Variants in NETO1 observed in about 807,000 individuals in gnomAD.
NETO1 encodes neuropilin and tolloid-like protein 1.
Under a neutral mutation model 61.3 loss-of-function variants are expected in NETO1, and 26 were observed. The observed-to-expected ratio is 0.42, with a 90% CI of 0.31 to 0.59. NETO1 has a LOEUF of 0.59. Among genes scored for constraint, NETO1 ranks in the 20% least tolerant of loss-of-function variants. The probability of loss-of-function intolerance (pLI) is 0.12; values close to 1 mark genes in which losing one functional copy is unlikely to be tolerated. For synonymous variants in NETO1, 225 were observed against 225.8 expected (o/e 1.00, Z 0.03); for missense variants, 531 against 662.8 (o/e 0.80, Z 2.18).
intron 4 of NETO1, among the ~76,000 whole-genome samples, chr18:72,804,181 T>C (rs1020201459): frequency 5.9e-5 from 9 of 152,214 alleles, no homozygotes; most frequent in South Asian, 2.1e-4. Context: ...TATTGAATGA[T>C]ACAGCCAATA....
chr18:72,772,793 T>TATCTCTCTCTC (rs1391807702), intron 7 of NETO1, among the ~76,000 whole-genome samples: 12 of 58,970 alleles, frequency 2.0e-4, no homozygotes, highest in African/African-American at 8.2e-4. Flanking sequence ...CTCTATATAG[T>TATCTCTCTCTC]TCTCTCTCTC....
intron 4 of NETO1, among the ~76,000 whole-genome samples, chr18:72,840,978 G>C (rs1224955269): frequency 1.3e-5 from 2 of 152,146 alleles, no homozygotes; most frequent in African/African-American, 4.8e-5. Flanking sequence ...TCAAAAGAGG[G>C]AGTTCTTTCC....
chr18:72,851,326 A>C (rs2145575675), intron 4 of NETO1, among the ~76,000 whole-genome samples: 1 of 152,074 alleles, frequency 6.6e-6, no homozygotes, highest in African/African-American at 2.4e-5. Flanking sequence ...CAGGAGAATT[A>C]TGTGAACCCG....
intron 6 of NETO1, among the ~76,000 whole-genome samples, chr18:72,791,493 G>GA (rs2072115494): frequency 6.6e-6 from 1 of 152,194 alleles, no homozygotes; most frequent in Non-Finnish European, 1.5e-5. Context: ...TAATTTAACA[G>GA]AGAAAGCCTG....
intron 4 of NETO1, among the ~76,000 whole-genome samples, chr18:72,802,703 G>T (rs1452553370): frequency 6.6e-6 from 1 of 152,190 alleles, no homozygotes; most frequent in East Asian, 1.9e-4. Flanking sequence ...ATGGTGGAGA[G>T]AATTGCTGGT....
At chr18:72,865,458 A>G in intron 1 of NETO1, 1 of 1,286,050 alleles carries the variant, frequency 7.8e-7, no homozygotes, top group South Asian at 1.3e-5. Flanking sequence ...TTAAGAATGG[A>G]TGAGACCCAA....
chr18:72,849,431 T>C (rs1057219882), intron 4 of NETO1, among the ~76,000 whole-genome samples: 5 of 152,190 alleles, frequency 3.3e-5, no homozygotes, highest in African/African-American at 9.7e-5. Context: ...GACATGCATG[T>C]TTTCTCTACC....
At chr18:72,801,808 T>G (rs1228882775) in intron 4 of NETO1, among the ~76,000 whole-genome samples, 1 of 152,308 alleles carries the variant, frequency 6.6e-6, no homozygotes, top group East Asian at 1.9e-4. Context: ...CTTAGTAATA[T>G]TTCCTCTTAA....
intron 4 of NETO1, among the ~76,000 whole-genome samples, chr18:72,836,654 G>A (rs1427496087): frequency 6.6e-6 from 1 of 152,168 alleles, no homozygotes. Flanking sequence ...AAATCGTTTT[G>A]CATGAATGGA....
intron 4 of NETO1, among the ~76,000 whole-genome samples, chr18:72,816,230 T>A (rs1323918471): frequency 6.6e-6 from 1 of 152,096 alleles, no homozygotes; most frequent in Non-Finnish European, 1.5e-5. Context: ...AAGGTAAAGC[T>A]GTAAAATACT....
intron 7 of NETO1, among the ~76,000 whole-genome samples, chr18:72,771,815 T>A (rs941240598): frequency 6.6e-6 from 1 of 152,148 alleles, no homozygotes; most frequent in African/African-American, 2.4e-5. Context: ...ATCATTGCAA[T>A]AGGAATACTA....
intron 4 of NETO1, among the ~76,000 whole-genome samples, chr18:72,857,833 A>G (rs996741233): frequency 2.6e-5 from 4 of 152,350 alleles, no homozygotes; most frequent in African/African-American, 9.6e-5. Context: ...TATATGCTAC[A>G]GTAAATACTT....
At chr18:72,860,095 C>T (rs886090107) in intron 3 of NETO1, among the ~76,000 whole-genome samples, 12 of 152,166 alleles carry the variant, frequency 7.9e-5, no homozygotes, top group African/African-American at 2.7e-4. Flanking sequence ...ACGTCCAAAA[C>T]AGTCCAAAAT....
intron 4 of NETO1, among the ~76,000 whole-genome samples, chr18:72,840,746 T>C (rs959390680): frequency 6.6e-6 from 1 of 152,138 alleles, no homozygotes; most frequent in Non-Finnish European, 1.5e-5. Flanking sequence ...TAAGGTGAAG[T>C]AGGGTAAATT....
intron 3 of NETO1, among the ~76,000 whole-genome samples, chr18:72,864,391 T>A (rs2074670842): frequency 6.6e-6 from 1 of 152,218 alleles, no homozygotes; most frequent in Non-Finnish European, 1.5e-5. Context: ...ATCTTTGACA[T>A]TAATACGATT....
Position 72,750,347 on chromosome 18 carries a change from T to A in NETO1, c.1256A>T (p.Lys419Ile). 6.2e-7 allele frequency: 1 copy of A among 1,614,026 alleles called. No individual in the cohort carries two copies. Among genetic ancestry groups the A allele is most frequent in the Non-Finnish European group, 8.5e-7 (1 of 1,180,006 alleles). The change falls in exon 9 of 11, where the codon AAA (lysine) becomes ATA (isoleucine). Residue 419 changes from lysine to isoleucine, a missense_variant. By Grantham distance (102) the Lys-to-Ile change is moderately radical. Transcript: ENST00000327305. Reference protein sequence around the residue: ...DVADDFENYHKLRRSSSKCIH... With the variant: ...DVADDFENYHILRRSSSKCIH... ...GCATTTGGAAGATGACCTCCGCAGT[T>A]TATGGTAATTTTCAAAGTCATCTGC... is the stretch of plus-strand genomic sequence containing the variant.
At chr18:72,840,634 T>A (rs2073899978) in intron 4 of NETO1, among the ~76,000 whole-genome samples, 1 of 61,512 alleles carries the variant, frequency 1.6e-5, no homozygotes, top group Admixed American at 2.1e-4. Context: ...AACAGGAAAT[T>A]CAGAGATTTT....
chr18:72,792,612 A>T (rs2072161032), intron 6 of NETO1, among the ~76,000 whole-genome samples: 1 of 149,528 alleles, frequency 6.7e-6, no homozygotes, highest in Admixed American at 6.7e-5. Context: ...TGCAGTGTTG[A>T]CTCCTCTGTC....
chr18:72,805,268 T>C (rs1398076122), intron 4 of NETO1, among the ~76,000 whole-genome samples: 3 of 152,142 alleles, frequency 2.0e-5, no homozygotes, highest in Non-Finnish European at 4.4e-5. Context: ...ACTATAATCT[T>C]CAAGAATTTT....
Sources: gnomAD v4.1 joint callset for allele counts (sites outside exome capture counted in the v4.1 genomes callset) on GRCh38, gnomAD v4.1.1 for gene constraint, MANE v1.5 for transcripts, NCBI Gene and HGNC (gene_info 2026-07-23, HGNC 2026-07-21) for gene names.